The following RAB28 variants were observed in gnomAD, a reference collection of about 807,000 sequenced individuals.
The protein encoded by RAB28 is ras-related protein Rab-28.
A neutral mutation model predicts 31.7 loss-of-function variants in RAB28; 24 were observed. The ratio of observed to expected loss-of-function variants is 0.76; its 90% CI spans 0.55 to 1.06. The LOEUF (loss-of-function observed/expected upper bound fraction) is 1.06. Among genes scored for constraint, RAB28 ranks in the 50% least tolerant of loss-of-function variants. RAB28 has a pLI of 0.00. For synonymous variants in RAB28, 100 were observed against 90.4 expected (o/e 1.11, Z -0.60); for missense variants, 254 against 258.5 (o/e 0.98, Z 0.12).
intron 1 of RAB28, among the ~76,000 whole-genome samples, chr4:13,482,305 A>T (rs1261264892): frequency 6.6e-6 from 1 of 152,204 alleles, no homozygotes; most frequent in Non-Finnish European, 1.5e-5. Flanking sequence ...TCAGACGCAA[A>T]ATTATGAACA....
chr4:13,477,140 T>C (rs1306165015), intron 2 of RAB28, among the ~76,000 whole-genome samples: 5 of 151,700 alleles, frequency 3.3e-5, no homozygotes, highest in Admixed American at 2.0e-4. Flanking sequence ...CTAAGGCTCT[T>C]AAGAAGCTCT....
At chr4:13,388,630 T>C (rs1042134812) in intron 4 of RAB28, among the ~76,000 whole-genome samples, 2 of 151,956 alleles carry the variant, frequency 1.3e-5, no homozygotes, top group African/African-American at 2.4e-5. Flanking sequence ...TCTGACAAAA[T>C]GTTAATATCT....
In RAB28 at chr4:13,368,478, T is replaced by C; in HGVS notation, c.*80A>G. 1.3e-6 allele frequency: 2 copies of C among 1,497,702 alleles called. No homozygotes were observed. Among genetic ancestry groups the C allele is most frequent in the South Asian group, 1.4e-5 (1 of 72,442 alleles). 92.8% of individuals were successfully genotyped at this position (1,497,702 alleles called of 1,614,324 possible). On this transcript the variant is annotated 3_prime_UTR_variant, in exon 7 of 7. Transcript: ENST00000330852. ...ACTGAACTACAGAGATGGTCACTGA[T>C]AAAACAAGTTCCTAGAAGTCCTCGG...
chr4:13,467,176 T>C (rs572085049), intron 3 of RAB28, among the ~76,000 whole-genome samples: 1 of 152,028 alleles, frequency 6.6e-6, no homozygotes, highest in Admixed American at 6.6e-5. Flanking sequence ...TTTCAAATGT[T>C]CTCAACATAA....
chr4:13,404,442 T>C (rs1041421135), intron 4 of RAB28, among the ~76,000 whole-genome samples: 3 of 152,142 alleles, frequency 2.0e-5, no homozygotes, highest in Admixed American at 6.5e-5. Context: ...AGTAAAGATA[T>C]TCCTAACAGA....
Position 13,460,725 on chromosome 4 carries a change from G to A in RAB28, c.365C>T (p.Pro122Leu). 1.2e-6 allele frequency: 2 copies of A among 1,613,954 alleles called. No individual in the cohort carries two copies. Among genetic ancestry groups the A allele is most frequent in the Non-Finnish European group, 8.5e-7 (1 of 1,179,924 alleles). Residue 122 changes from proline to leucine, a missense_variant, in exon 4 of 7, where the codon CCA (proline) becomes CTA (leucine). Transcript: ENST00000330852. The stretch of plus-strand genomic sequence containing the variant: ...TTTATTGCCTACCAAGGCAACCAGT[G>A]GCTGAGTTTCTGACTCCTCGCTCAC... ...KKVSEESETQ[P>L]LVALVGNKID...
chr4:13,368,662 G>C lies in RAB28; in HGVS notation c.574-12C>G, dbSNP rs777227952. On this transcript the variant is annotated splice_polypyrimidine_tract_variant and intron_variant, in intron 6 of 6. Transcript: ENST00000330852. ...GCCTTCACCACCCTCTGTCATAAAAGAAAACAGAGTTATTATCAGGATATC... is the reference window on the plus strand; with the variant it reads ...GCCTTCACCACCCTCTGTCATAAAACAAAACAGAGTTATTATCAGGATATC... 6.3e-7 allele frequency: 1 copy of C among 1,596,364 alleles called. No individual in the cohort carries two copies. Among genetic ancestry groups the C allele is most frequent in the Non-Finnish European group, 8.6e-7 (1 of 1,166,284 alleles).
At chr4:13,454,421 G>A (rs1240332059) in intron 4 of RAB28, among the ~76,000 whole-genome samples, 6 of 152,002 alleles carry the variant, frequency 3.9e-5, no homozygotes, top group Admixed American at 6.6e-5. Context: ...TGATGTGTCC[G>A]TATGTTGATT....
intron 4 of RAB28, among the ~76,000 whole-genome samples, chr4:13,426,108 T>C (rs1429999409): frequency 2.0e-5 from 3 of 152,168 alleles, no homozygotes; most frequent in Non-Finnish European, 1.5e-5. Context: ...CTTGAGATAA[T>C]ATTCTAAAAT....
chr4:13,400,097 G>A (rs1296224385), intron 4 of RAB28, among the ~76,000 whole-genome samples: 1 of 151,930 alleles, frequency 6.6e-6, no homozygotes, highest in African/African-American at 2.4e-5. Flanking sequence ...GCTATCCTAG[G>A]ACTACTTATT....
intron 3 of RAB28, among the ~76,000 whole-genome samples, chr4:13,472,936 A>G (rs1716188084): frequency 6.6e-6 from 1 of 152,046 alleles, no homozygotes; most frequent in East Asian, 1.9e-4. Flanking sequence ...TAACCACAGA[A>G]GAAAATGCTA....
chr4:13,414,560 C>CTG (rs1712636017), intron 4 of RAB28, among the ~76,000 whole-genome samples: 1 of 152,140 alleles, frequency 6.6e-6, no homozygotes, highest in Non-Finnish European at 1.5e-5. Context: ...TCACTTCAAC[C>CTG]AACTACAGTA....
At chr4:13,473,293 A>G (rs796105289) in intron 3 of RAB28, among the ~76,000 whole-genome samples, 5 of 152,082 alleles carry the variant, frequency 3.3e-5, no homozygotes, top group African/African-American at 1.2e-4. Context: ...TTAAAATACC[A>G]AACTCCAATA....
intron 3 of RAB28, among the ~76,000 whole-genome samples, chr4:13,469,094 T>A (rs1272814377): frequency 1.9e-4 from 29 of 151,850 alleles, no homozygotes; most frequent in Admixed American, 1.9e-3. Context: ...CACCCTCAAA[T>A]CCCTAAGTTT....
intron 4 of RAB28, among the ~76,000 whole-genome samples, chr4:13,415,479 T>C (rs113632274): frequency 0.077 from 11,732 of 152,174 alleles, 812 homozygotes; most frequent in African/African-American, 0.19. Context: ...CTCAGCGGGC[T>C]GCACTCAGAG....
chr4:13,418,035 A>T (rs1213487816), intron 4 of RAB28, among the ~76,000 whole-genome samples: 1 of 152,226 alleles, frequency 6.6e-6, no homozygotes, highest in African/African-American at 2.4e-5. Flanking sequence ...TAACTAGAAT[A>T]AACAGTGTTG....
intron 3 of RAB28, among the ~76,000 whole-genome samples, chr4:13,463,647 C>T (rs923817280): frequency 3.3e-5 from 5 of 149,818 alleles, no homozygotes; most frequent in Admixed American, 6.6e-5. Context: ...AGAAATCTTC[C>T]AGGATTCACA....
At chr4:13,439,629 A>C (rs541705320) in intron 4 of RAB28, among the ~76,000 whole-genome samples, 6 of 152,296 alleles carry the variant, frequency 3.9e-5, no homozygotes, top group Middle Eastern at 3.4e-3. Context: ...TTACCGGCAT[A>C]AGCACTTGGC....
At chr4:13,433,696 T>C (rs536815152) in intron 4 of RAB28, among the ~76,000 whole-genome samples, 6 of 152,222 alleles carry the variant, frequency 3.9e-5, no homozygotes, top group Admixed American at 2.6e-4. Flanking sequence ...GAAACACTTA[T>C]ACACTGTTGG....
Sources: allele counts gnomAD v4.1 joint callset (sites outside exome capture counted in the v4.1 genomes callset), GRCh38; gene constraint gnomAD v4.1.1; transcripts MANE v1.5; gene names NCBI Gene and HGNC (gene_info 2026-07-23, HGNC 2026-07-21).